TFIP11: variants seen among roughly 807,000 people sequenced by gnomAD.
TFIP11 encodes the protein tuftelin interacting protein 11, also known as tuftelin-interacting protein 11.
Under a neutral mutation model 96.8 loss-of-function variants are expected in TFIP11, and 86 were observed. That is an observed-to-expected ratio of 0.89 (90% CI 0.75 to 1.06). The LOEUF is 1.06. Ranked by LOEUF, TFIP11 falls within the 50% of genes least tolerant of loss-of-function variation. The probability of loss-of-function intolerance (pLI) is 0.00; values close to 1 mark genes in which losing one functional copy is unlikely to be tolerated. For synonymous variants in TFIP11, 405 were observed against 395.2 expected, an observed-to-expected ratio of 1.02 and a Z score of -0.29; for missense variants, 881 against 1,076.7, an observed-to-expected ratio of 0.82 and a Z score of 2.54.
rs147524998 is a variant in TFIP11, at chr22:26,498,959, G to A, written c.1346C>T (p.Thr449Ile). 2.5e-6 allele frequency: 4 copies of A among 1,613,918 alleles called. No individual in the cohort carries two copies. Among genetic ancestry groups the A allele is most frequent in the Non-Finnish European group, 3.4e-6 (4 of 1,180,010 alleles). ...WDPLKDCTYG[T>I]EIISKWKSLL... is the part of the protein sequence containing the mutation. ...GCTTTTCCACTTAGAGATGATCTCG[G>A]TGCCATAAGTGCAGTCCTGAGGAGA... Residue 449 changes from threonine to isoleucine, a missense_variant, in exon 10 of 15, where the codon ACC (threonine) becomes ATC (isoleucine). Coordinates refer to ENST00000407690, the MANE Select transcript of TFIP11 (RefSeq NM_012143.4).
chr22:26,511,791 T>C (rs539939949), intron 2 of TFIP11: 16 of 152,338 alleles, frequency 1.1e-4, no homozygotes, highest in African/African-American at 3.8e-4. Flanking sequence ...TACTCACTGG[T>C]GCACCGGTTG....
At chr22:26,499,715 A>C in intron 8 of TFIP11, 84 bp from the exon 9 acceptor site, 2 of 1,401,910 alleles carry the variant, frequency 1.4e-6, no homozygotes, top group South Asian at 2.7e-5. Flanking sequence ...GCCCCATGAC[A>C]GGGGAAGTGT....
At chr22:26,496,354 T>G in intron 11 of TFIP11, 38 bp from the exon 12 acceptor site, 2 of 1,558,912 alleles carry the variant, frequency 1.3e-6, no homozygotes, top group Non-Finnish European at 1.7e-6. Context: ...ATGTCGCCTG[T>G]GGGGCAGTCA....
At chr22:26,500,229 G>A (rs1476306810) in intron 8 of TFIP11, among the ~76,000 whole-genome samples, 3 of 152,088 alleles carry the variant, frequency 2.0e-5, no homozygotes, top group African/African-American at 7.2e-5. Context: ...GAATGCAGTG[G>A]CACGATCTCA....
intron 6 of TFIP11, chr22:26,506,098 C>G (rs938810851): frequency 2.4e-5 from 12 of 499,108 alleles, no homozygotes; most frequent in Non-Finnish European, 3.7e-5. Flanking sequence ...GACCCTAACC[C>G]TTTCCTTGCT....
At chr22:26,506,976 T>A (rs770424166) in intron 4 of TFIP11, 48 bp from the exon 5 acceptor site, 1 of 1,591,302 alleles carries the variant, frequency 6.3e-7, no homozygotes, top group East Asian at 2.2e-5. Flanking sequence ...AGAACTCTTT[T>A]CTCTGCAGCG....
intron 8 of TFIP11, among the ~76,000 whole-genome samples, chr22:26,500,560 GGAAATGTGAATACGGACTACACTTCT>G (rs1442441297): frequency 6.6e-6 from 1 of 152,066 alleles, no homozygotes; most frequent in East Asian, 1.9e-4. Flanking sequence ...TAGGAAAACA[GGAAATGTGAATACGGACTACACTTCT>G]GAAACAGAAT....
At chr22:26,504,378 G>A (rs1004041726) in intron 6 of TFIP11, among the ~76,000 whole-genome samples, 1 of 152,024 alleles carries the variant, frequency 6.6e-6, no homozygotes, top group African/African-American at 2.4e-5. Context: ...TTCCATCCCT[G>A]CCCCCCTTCC....
At position 26,499,526 on chromosome 22, in the gene TFIP11, G is replaced by A. The variant is rs148861232; in HGVS notation, c.907C>T (p.Leu303=). The A allele has an allele frequency of 5.6e-5, 90 of 1,614,104 alleles. No individual in the cohort carries two copies. Among genetic ancestry groups the A allele is most frequent in the Non-Finnish European group, 7.5e-5 (89 of 1,180,060 alleles). ...TTGGCCTCTTTGCCAGACTGTGGCA[G>A]CTGTTGGGACTGTAGCGGCAGCCCA... ...DDGLPLQSQQ[L]PQSGKEAKAP... is the part of the protein sequence containing the mutation. The change falls in exon 9 of 15, where the codon CTG becomes TTG. Residue 303 remains leucine, a synonymous_variant. Coordinates refer to ENST00000407690, the MANE Select transcript of TFIP11 (RefSeq NM_012143.4).
intron 6 of TFIP11, among the ~76,000 whole-genome samples, chr22:26,504,857 C>T (rs908188366): frequency 2.0e-5 from 3 of 152,118 alleles, no homozygotes; most frequent in Non-Finnish European, 2.9e-5. Context: ...GGATGGATCA[C>T]TTGAGGTCAG....
At chr22:26,500,784 C>A (rs528004909) in intron 8 of TFIP11, among the ~76,000 whole-genome samples, 23 of 151,258 alleles carry the variant, frequency 1.5e-4, no homozygotes, top group African/African-American at 5.3e-4. Flanking sequence ...TAAAGGCTTT[C>A]TTTGAGGTCT....
At position 26,506,822 on chromosome 22, in the gene TFIP11, T is replaced by G. The variant is rs1923473953; in HGVS notation, c.316A>C (p.Lys106Gln). 2 of 1,614,086 alleles carry G rather than the reference T, an allele frequency of 1.2e-6. No individual in the cohort carries two copies. The highest frequency in any genetic ancestry group is 1.7e-6 in the Non-Finnish European group (2 of 1,180,048). The stretch of plus-strand genomic sequence containing the variant: ...AAATCCTTAGGAAAGTCGTCCTGCT[T>G]AACAGGTTTCTCTTCGTCATCAGAA... ...EDSDDEEKPV[K>Q]QDDFPKDFGP... is the part of the protein sequence containing the mutation. The change falls in exon 5 of 15, where the codon AAG (lysine) becomes CAG (glutamine). Residue 106 changes from lysine (K) to glutamine (Q), a missense_variant. Lys to Gln is a moderately conservative substitution (Grantham distance 53). Coordinates refer to ENST00000407690, the MANE Select transcript of TFIP11 (RefSeq NM_012143.4).
Position 26,491,961 on chromosome 22 carries a change from A to G in TFIP11, c.*52T>C. 6.7e-7 allele frequency: 1 copy of G among 1,487,742 alleles called. No individual in the cohort carries two copies. 92.2% of individuals were successfully genotyped at this position (1,487,742 alleles called of 1,614,324 possible). ...TGATCTAAAAATACTGTTTATTTAC[A>G]GTACATCCCTCTTAGGGGCAAGTCT... On this transcript the variant is annotated 3_prime_UTR_variant, in exon 15 of 15. Transcript: ENST00000407690.
At chr22:26,498,679 G>A (rs1010024398) in intron 10 of TFIP11, 190 bp downstream of exon 10, 2 of 557,330 alleles carry the variant, frequency 3.6e-6, no homozygotes, top group Admixed American at 6.2e-5. Context: ...AAACCCTATG[G>A]AAATAAAACA....
At chr22:26,495,636 A>ATATG (rs67743115) in intron 12 of TFIP11, among the ~76,000 whole-genome samples, 37 of 110,374 alleles carry the variant, frequency 3.4e-4, no homozygotes, top group Non-Finnish European at 5.8e-4. Flanking sequence ...GTGTATATAC[A>ATATG]TGTGTATATA....
chr22:26,492,362 T>A lies in TFIP11; in HGVS notation c.2165A>T (p.Tyr722Phe), dbSNP rs1048479505. Residue 722 changes from tyrosine (Y) to phenylalanine (F), a missense_variant, in exon 15 of 15, where the codon TAC (tyrosine) becomes TTC (phenylalanine). By Grantham distance (22) the Tyr-to-Phe change is conservative. Transcript: ENST00000407690. Reference protein sequence around the residue: ...NRAVSSNVGAYMQPGARENIA... With the variant: ...NRAVSSNVGAFMQPGARENIA... ...GTTCTCCCGTGCTCCTGGCTGCATG[T>A]AGGCACCTAAGATACAGGAGGACAG... 1 of 1,614,036 alleles carries A rather than the reference T, an allele frequency of 6.2e-7. No individual in the cohort carries two copies. Among genetic ancestry groups the A allele is most frequent in the East Asian group, 2.2e-5 (1 of 44,882 alleles).
At chr22:26,510,883 A>G (rs530811846) in intron 2 of TFIP11, among the ~76,000 whole-genome samples, 181 bp from the exon 3 acceptor site, 3 of 152,340 alleles carry the variant, frequency 2.0e-5, no homozygotes, top group East Asian at 3.9e-4. Flanking sequence ...ACCTCACAGT[A>G]GCTGGGTGAC....
In TFIP11 at chr22:26,492,204, C is replaced by A. The variant is rs1314023230; in HGVS notation, c.2323G>T (p.Asp775Tyr). Residue 775 changes from aspartate to tyrosine, a missense_variant, in exon 15 of 15, where the codon GAC becomes TAC. By Grantham distance (160) the Asp-to-Tyr change is radical. Transcript: ENST00000407690. ...TCCTCAGCCTTGGTCTCAATGAGGTCCTTAAAGTTCATGGGCACAGAGCTA... is the reference window on the plus strand; with the variant it reads ...TCCTCAGCCTTGGTCTCAATGAGGTACTTAAAGTTCATGGGCACAGAGCTA... ...AASSVPMNFKDLIETKAEEHN... is the reference protein window; with the variant it reads ...AASSVPMNFKYLIETKAEEHN... 6.2e-7 allele frequency: 1 copy of A among 1,614,228 alleles called. No homozygotes were observed. Among genetic ancestry groups the A allele is most frequent in the Admixed American group, 1.7e-5 (1 of 60,030 alleles).
chr22:26,502,180 GA>G, intron 7 of TFIP11, 128 bp from the exon 8 acceptor site: 1 of 1,176,704 alleles, frequency 8.5e-7, no homozygotes, highest in Non-Finnish European at 1.2e-6. Flanking sequence ...CTATATGAAG[GA>G]AGGAAAGGAT....
Sources: allele counts gnomAD v4.1 joint callset (sites outside exome capture counted in the v4.1 genomes callset), GRCh38; gene constraint gnomAD v4.1.1; transcripts MANE v1.5; gene names NCBI Gene and HGNC (gene_info 2026-07-23, HGNC 2026-07-21).